The following AP4E1 variants were observed in gnomAD, a reference collection of about 807,000 sequenced individuals.
AP4E1 encodes the protein AP-4 complex subunit epsilon-1.
AP4E1 carries 56 observed loss-of-function variants against 128.2 expected under a neutral mutation model. The ratio of observed to expected loss-of-function variants is 0.44; its 90% CI spans 0.35 to 0.55. AP4E1 has a LOEUF of 0.55. Ranked by LOEUF, AP4E1 falls within the 20% of genes least tolerant of loss-of-function variation. The pLI is 0.00. For missense variants in AP4E1, 1,324 were observed against 1,307.7 expected (o/e 1.01, Z -0.19); for synonymous variants, 484 against 473.1 (o/e 1.02, Z -0.30).
upstream of AP4E1, among the ~76,000 whole-genome samples, chr15:50,908,071 T>G (rs563814576): frequency 5.5e-4 from 83 of 152,120 alleles, 3 homozygotes; most frequent in East Asian, 9.1e-3. Flanking sequence ...TCGGCAAGGG[T>G]GGCCGCCGAC....
intron 13 of AP4E1, among the ~76,000 whole-genome samples, chr15:50,957,465 A>C (rs1390203769): frequency 6.6e-6 from 1 of 152,024 alleles, no homozygotes; most frequent in African/African-American, 2.4e-5. Context: ...TGGGTGGTTT[A>C]GGAAAAGGCA....
chr15:50,964,424 G>C (rs2064360256), intron 14 of AP4E1, among the ~76,000 whole-genome samples: 2 of 147,200 alleles, frequency 1.4e-5, no homozygotes, highest in Admixed American at 1.3e-4. Flanking sequence ...TGTATCTTTT[G>C]AGTTTCCTTA....
At chr15:50,945,227 A>G (rs1596474582) in intron 10 of AP4E1, 3 of 791,310 alleles carry the variant, frequency 3.8e-6, no homozygotes, top group Non-Finnish European at 7.0e-6. Context: ...CTAATCCTGT[A>G]TGTTCAATGA....
At chr15:50,929,566 T>A (rs2063807278) in intron 6 of AP4E1, among the ~76,000 whole-genome samples, 1 of 152,146 alleles carries the variant, frequency 6.6e-6, no homozygotes, top group Admixed American at 6.6e-5. Context: ...CTCCATGTAT[T>A]AATTCTGTAT....
At chr15:50,977,206 CTTA>C (rs1340446032) in intron 15 of AP4E1, among the ~76,000 whole-genome samples, 7 of 152,134 alleles carry the variant, frequency 4.6e-5, no homozygotes, top group Non-Finnish European at 1.5e-5. Context: ...GTCATACTTC[CTTA>C]TTTTCAGGTA....
rs566774166 is a variant in AP4E1 at position 50,994,970 on chromosome 15, G to C, written c.2346+1345G>C. On this transcript the variant is annotated intron_variant, in intron 17 of 20. Coordinates refer to ENST00000261842, the MANE Select transcript of AP4E1 (RefSeq NM_007347.5). Reference sequence around the variant, plus strand: ...TCATTCCCACCCAGCTATCACTGAAGAGTAGAAAAAGGAGTGTATTTCTCT... The same window carrying C: ...TCATTCCCACCCAGCTATCACTGAACAGTAGAAAAAGGAGTGTATTTCTCT... Among the ~76,000 whole-genome samples the C allele has an allele frequency of 2.6e-5, 4 of 152,172 alleles. No homozygotes were observed. The East Asian group carries it at 7.7e-4, about 29-fold the overall frequency.
Position 50,947,411 on chromosome 15 carries a change from G to A in AP4E1, c.1177-609G>A, listed in dbSNP as rs1354434599. On this transcript the variant is annotated intron_variant, in intron 10 of 20. Transcript: ENST00000261842. ...AGCCTGGATGACAGAGCAAGACCCT[G>A]TCTCAAAAAAAAAAAAAAAAAAAGT... 2.6e-5 allele frequency among the ~76,000 whole-genome samples: 3 copies of A among 114,516 alleles called. No homozygotes were observed. The Admixed American group carries it at 2.7e-4, about 10-fold the overall frequency. 75.1% of individuals were successfully genotyped at this position (114,516 alleles called of 152,430 possible). A position where few individuals can be genotyped will look rare whatever the true frequency, so the allele number is the denominator to read the frequency against.
intron 15 of AP4E1, among the ~76,000 whole-genome samples, chr15:50,980,209 A>G (rs959490865): frequency 3.3e-5 from 5 of 152,228 alleles, no homozygotes; most frequent in East Asian, 1.9e-4. Flanking sequence ...GATCCCAGAC[A>G]GGAAAGAGGA....
At chr15:50,934,597 A>T in intron 7 of AP4E1, 27 bp from the exon 8 acceptor site, 1 of 1,499,800 alleles carries the variant, frequency 6.7e-7, no homozygotes, top group Non-Finnish European at 9.3e-7. Context: ...CTATAATTCT[A>T]CTGCAAATAA....
At chr15:50,957,733 G>C (rs1210266302) in intron 13 of AP4E1, among the ~76,000 whole-genome samples, 1 of 142,004 alleles carries the variant, frequency 7.0e-6, no homozygotes, top group African/African-American at 2.7e-5. Flanking sequence ...CTGGAGTGCA[G>C]TGGCATGATC....
chr15:50,928,920 G>C (rs1596464193), intron 5 of AP4E1, 89 bp from the exon 6 acceptor site: 1 of 1,235,654 alleles, frequency 8.1e-7, no homozygotes, highest in Non-Finnish European at 1.2e-6. Context: ...TAATGAGCCA[G>C]TATTTTGAAA....
intron 15 of AP4E1, among the ~76,000 whole-genome samples, chr15:50,978,864 A>G (rs2064596949): frequency 6.6e-6 from 1 of 152,158 alleles, no homozygotes. Context: ...GTTCATCACT[A>G]TATGGGTCTT....
intron 8 of AP4E1, among the ~76,000 whole-genome samples, chr15:50,936,244 T>G (rs1204177562): frequency 1.3e-5 from 2 of 152,142 alleles, no homozygotes; most frequent in African/African-American, 4.8e-5. Flanking sequence ...AGTGTCAGAA[T>G]TTTTCCAGTA....
At chr15:50,911,912 A>G (rs1025149766) in intron 1 of AP4E1, among the ~76,000 whole-genome samples, 166 bp from the exon 2 acceptor site, 1 of 152,224 alleles carries the variant, frequency 6.6e-6, no homozygotes, top group Admixed American at 6.5e-5. Context: ...AGGTTTGGAG[A>G]AATGCCTTTA....
At chr15:50,967,799 A>T (rs535858203) in intron 14 of AP4E1, among the ~76,000 whole-genome samples, 1 of 152,242 alleles carries the variant, frequency 6.6e-6, no homozygotes, top group Non-Finnish European at 1.5e-5. Context: ...AAAGCTAGAG[A>T]GTTGGGTAGC....
intron 6 of AP4E1, 149 bp downstream of exon 6, chr15:50,929,317 T>G: frequency 1.1e-6 from 1 of 936,944 alleles, no homozygotes; most frequent in South Asian, 1.6e-5. Flanking sequence ...TTGCAAGTTG[T>G]TGAGAGCATG....
In AP4E1 at chr15:50,978,495, T is replaced by C. The variant is rs116834430; in HGVS notation, c.1967-5527T>C. On this transcript the variant is annotated intron_variant, in intron 15 of 20. Transcript: ENST00000261842. ...TAAATAATTGCAGTACAAAGTATGA[T>C]AAATGAGTGTGCATATAATTGAGGC... Among the ~76,000 whole-genome samples the C allele has an allele frequency of 7.7e-3, 1,170 of 152,312 alleles. 13 individuals carry two copies. The highest frequency in any genetic ancestry group is 0.027 in the African/African-American group (1,119 of 41,582).
At chr15:50,949,996 C>A in intron 12 of AP4E1, 55 bp from the exon 13 acceptor site, 3 of 1,587,188 alleles carry the variant, frequency 1.9e-6, no homozygotes, top group South Asian at 1.1e-5. Context: ...GTTTTTATTA[C>A]AGAGTCCTAA....
chr15:50,961,887 T>C (rs191164301), intron 14 of AP4E1, among the ~76,000 whole-genome samples: 9 of 150,940 alleles, frequency 6.0e-5, no homozygotes, highest in Admixed American at 3.3e-4. Context: ...TTAGAACCAA[T>C]AAAAGAATTC....
Sources: allele counts gnomAD v4.1 joint callset (sites outside exome capture counted in the v4.1 genomes callset), GRCh38; gene constraint gnomAD v4.1.1; transcripts MANE v1.5; gene names NCBI Gene and HGNC (gene_info 2026-07-23, HGNC 2026-07-21).